The following GPC5 variants were observed in gnomAD, a reference collection of about 807,000 sequenced individuals.
GPC5 encodes the protein glypican-5.
Under a neutral mutation model 53.9 loss-of-function variants are expected in GPC5, and 47 were observed. That is an observed-to-expected ratio of 0.87 (90% confidence interval 0.69 to 1.11). GPC5 has a LOEUF of 1.11. GPC5 is among the 50% of genes most tolerant of loss of function. The pLI is 0.00. For missense variants in GPC5, 748 were observed against 713.1 expected (o/e 1.05, Z -0.56); for synonymous variants, 286 against 263.3 (o/e 1.09, Z -0.84).
intron 7 of GPC5, among the ~76,000 whole-genome samples, chr13:92,206,154 TA>T (rs1297675947): frequency 0.018 from 1,226 of 66,358 alleles, 11 homozygotes; most frequent in South Asian, 0.084. Context: ...GTGTTTTTTT[TA>T]TTTTTTTTTT....
At chr13:91,990,910 A>G (rs140979280) in intron 6 of GPC5, among the ~76,000 whole-genome samples, 1 of 152,368 alleles carries the variant, frequency 6.6e-6, no homozygotes, top group Admixed American at 6.5e-5. Context: ...TGAATTAATT[A>G]GATCTCCCCC....
chr13:91,605,868 G>GT (rs200653726), intron 2 of GPC5, among the ~76,000 whole-genome samples: 1,115 of 4,782 alleles, frequency 0.23, 254 homozygotes, highest in East Asian at 0.94. Context: ...AGACAATGGG[G>GT]TTTTCTAGAT....
At chr13:92,602,229 AT>A (rs1884089351) in intron 7 of GPC5, among the ~76,000 whole-genome samples, 1 of 24,286 alleles carries the variant, frequency 4.1e-5, no homozygotes, top group Non-Finnish European at 1.1e-4. Context: ...AAATATATAT[AT>A]AACATATATA....
chr13:92,337,177 A>G (rs1306795813), intron 7 of GPC5, among the ~76,000 whole-genome samples: 1 of 144,434 alleles, frequency 6.9e-6, no homozygotes, highest in Non-Finnish European at 1.5e-5. Context: ...ATACAATGCC[A>G]TTTATGTTAG....
intron 2 of GPC5, among the ~76,000 whole-genome samples, chr13:91,613,528 CTT>C (rs887622290): frequency 2.6e-5 from 4 of 152,172 alleles, no homozygotes; most frequent in Non-Finnish European, 4.4e-5. Flanking sequence ...ATATTTCCAT[CTT>C]GCCTAACATT....
intron 7 of GPC5, among the ~76,000 whole-genome samples, chr13:92,638,484 T>C (rs1885482964): frequency 6.6e-6 from 1 of 152,116 alleles, no homozygotes. Context: ...CCCACTCATC[T>C]GGCTGCAGTC....
chr13:91,963,010 G>A (rs531344274), intron 6 of GPC5, among the ~76,000 whole-genome samples: 82 of 152,298 alleles, frequency 5.4e-4, no homozygotes, highest in Non-Finnish European at 7.6e-4. Context: ...GTATAGAATA[G>A]TGACTAAGTG....
At chr13:91,871,418 G>A (rs146844079) in intron 5 of GPC5, among the ~76,000 whole-genome samples, 26 of 151,998 alleles carry the variant, frequency 1.7e-4, no homozygotes, top group African/African-American at 4.8e-4. Flanking sequence ...TTAATGCCTC[G>A]GTGATGAAAT....
At chr13:92,779,269 C>G (rs1875934801) in intron 7 of GPC5, among the ~76,000 whole-genome samples, 1 of 152,080 alleles carries the variant, frequency 6.6e-6, no homozygotes, top group Non-Finnish European at 1.5e-5. Context: ...AGACCCACCC[C>G]CATGATTCAA....
At chr13:92,415,688 A>AG (rs1876255829) in intron 7 of GPC5, among the ~76,000 whole-genome samples, 1 of 151,882 alleles carries the variant, frequency 6.6e-6, no homozygotes, top group South Asian at 2.1e-4. Context: ...AAAAAAAAAA[A>AG]AAGAAGTAAT....
Position 92,596,269 on chromosome 13 carries a change from A to G in GPC5, c.1562-270013A>G, listed in dbSNP as rs186654467. On this transcript the variant is annotated intron_variant, in intron 7 of 7. Coordinates refer to ENST00000377067, the MANE Select transcript of GPC5 (RefSeq NM_004466.6). Reference sequence around the variant, plus strand: ...AAAATATCACTTACTTTGGGAAGCAATGAAAGAAACGTTGCTAAGATGTAA... The same window carrying G: ...AAAATATCACTTACTTTGGGAAGCAGTGAAAGAAACGTTGCTAAGATGTAA... 1.5e-3 allele frequency among the ~76,000 whole-genome samples: 230 copies of G among 152,272 alleles called. 1 individual carries two copies. Among genetic ancestry groups the G allele is most frequent in the African/African-American group, 5.2e-3 (215 of 41,554 alleles).
intron 2 of GPC5, among the ~76,000 whole-genome samples, chr13:91,507,459 G>A (rs1885002845): frequency 2.0e-5 from 3 of 152,096 alleles, no homozygotes; most frequent in Admixed American, 1.3e-4. Flanking sequence ...ATCTTATATG[G>A]GTGGCAGGAG....
chr13:91,989,836 A>G (rs1424762988), intron 6 of GPC5, among the ~76,000 whole-genome samples: 2 of 80,312 alleles, frequency 2.5e-5, no homozygotes, highest in Non-Finnish European at 4.9e-5. Context: ...ATTTGTATAC[A>G]TATTGACTAT....
At chr13:91,456,476 C>A (rs943496190) in intron 2 of GPC5, among the ~76,000 whole-genome samples, 1 of 151,592 alleles carries the variant, frequency 6.6e-6, no homozygotes. Flanking sequence ...TAATAATCTG[C>A]AAAGTTAATA....
chr13:92,477,323 T>G (rs191093205), intron 7 of GPC5, among the ~76,000 whole-genome samples: 2 of 152,270 alleles, frequency 1.3e-5, no homozygotes, highest in East Asian at 1.9e-4. Flanking sequence ...GTTTAGAATC[T>G]TATGTCCTGT....
chr13:92,632,461 C>CAT (rs1491296731), intron 7 of GPC5, among the ~76,000 whole-genome samples: 6,378 of 57,946 alleles, frequency 0.11, 333 homozygotes, highest in African/African-American at 0.15. Context: ...GAAAATATTC[C>CAT]ACATATATAT....
intron 5 of GPC5, among the ~76,000 whole-genome samples, chr13:91,841,329 A>G (rs1489471367): frequency 6.6e-6 from 1 of 150,396 alleles, no homozygotes; most frequent in Non-Finnish European, 1.5e-5. Flanking sequence ...CTTGCAGAAT[A>G]TGGAGTGAGA....
chr13:92,718,067 T>C (rs1888388570), intron 7 of GPC5, among the ~76,000 whole-genome samples: 1 of 152,076 alleles, frequency 6.6e-6, no homozygotes, highest in African/African-American at 2.4e-5. Context: ...CTGATAAGGA[T>C]GTGGAGAAAA....
chr13:92,242,697 T>C (rs1395660079), intron 7 of GPC5, among the ~76,000 whole-genome samples: 3 of 152,096 alleles, frequency 2.0e-5, no homozygotes, highest in Admixed American at 6.5e-5. Flanking sequence ...ATTCAGAAAA[T>C]TCATTAGTAC....
Sources: gnomAD v4.1 joint callset for allele counts (sites outside exome capture counted in the v4.1 genomes callset) on GRCh38, gnomAD v4.1.1 for gene constraint, MANE v1.5 for transcripts, NCBI Gene and HGNC (gene_info 2026-07-23, HGNC 2026-07-21) for gene names.